Variants in ARL13A observed in about 807,000 individuals in gnomAD.
The protein encoded by ARL13A is ADP-ribosylation factor-like protein 13A.
Under a neutral mutation model 19.1 loss-of-function variants are expected in ARL13A, and 16 were observed. The ratio of observed to expected loss-of-function variants is 0.84; its 90% CI spans 0.57 to 1.27. The LOEUF (loss-of-function observed/expected upper bound fraction) is 1.27. Among genes scored for constraint, ARL13A ranks in the 50% most tolerant of loss-of-function variants. ARL13A has a pLI of 0.00. For missense variants in ARL13A, 153 were observed against 186.4 expected (o/e 0.82, Z 1.04); for synonymous variants, 69 against 71.3 (o/e 0.97, Z 0.17).
rs1160236667 is a variant in ARL13A, at chrX:100,969,820, TA to T, written c.-15+12del. ...AATAACCACCTCATGGTAAGCAAAA[TA>T]TGTCACTATCTTCATTTTACAGATA... On this transcript the variant is annotated intron_variant, in intron 1 of 7. Transcript: ENST00000450049. The T allele has an allele frequency of 8.9e-6, 1 of 112,374 alleles. No homozygotes were observed. The highest frequency in any genetic ancestry group is 3.2e-5 in the African/African-American group (1 of 30,942). The allele number at this position is 112,374 out of a possible 1,213,427, so 9.3% of individuals were successfully genotyped here. A position where few individuals can be genotyped will look rare whatever the true frequency, so the allele number is the denominator to read the frequency against.
At chrX:100,973,420 C>G (rs1467807472) in intron 1 of ARL13A, among the ~76,000 whole-genome samples, 2 of 105,342 alleles carry the variant, frequency 1.9e-5, no homozygotes, top group African/African-American at 6.9e-5. Flanking sequence ...CCGCTGCCTC[C>G]CGGGCGGCGC....
At chrX:100,982,920 C>T (rs2085882248) in intron 3 of ARL13A, among the ~76,000 whole-genome samples, 1 of 110,654 alleles carries the variant, frequency 9.0e-6, no homozygotes, top group Non-Finnish European at 1.9e-5. Flanking sequence ...GAAGAATCAC[C>T]TCAGGATTTT....
At chrX:100,971,479 G>A (rs2085647508) in intron 1 of ARL13A, among the ~76,000 whole-genome samples, 1 of 99,542 alleles carries the variant, frequency 1.0e-5, no homozygotes, top group South Asian at 4.8e-4. Flanking sequence ...TGTCTGTGTA[G>A]TCTGCTATAC....
intron 1 of ARL13A, among the ~76,000 whole-genome samples, chrX:100,971,106 T>C (rs1444716110): frequency 9.4e-6 from 1 of 106,687 alleles, no homozygotes; most frequent in Non-Finnish European, 1.9e-5. Context: ...GCCTAAATTA[T>C]CCTTTTTACT....
chrX:100,988,596 T>C (rs1203660108), intron 7 of ARL13A: 3 of 904,427 alleles, frequency 3.3e-6, no homozygotes, highest in East Asian at 1.2e-4. Flanking sequence ...AAAATTTACA[T>C]AGGCCTTCCC....
intron 1 of ARL13A, among the ~76,000 whole-genome samples, chrX:100,973,290 C>A (rs1214467986): frequency 4.6e-5 from 4 of 86,192 alleles, no homozygotes; most frequent in Admixed American, 3.9e-4. Flanking sequence ...GGCAGAGACA[C>A]TCCTCACTTC....
At chrX:100,973,796 C>A in intron 2 of ARL13A, 48 bp downstream of exon 2, 1 of 1,107,868 alleles carries the variant, frequency 9.0e-7, no homozygotes, top group Non-Finnish European at 1.2e-6. Context: ...TTTCCTCCCA[C>A]AAATCTGCCC....
Position 100,986,851 on chromosome X carries a change from T to C in ARL13A, c.436T>C (p.Tyr146His). ...CCTCATGCCTTGTGATATTATTGAC[T>C]ATCTACTTCTAAAGAAGCTAGTGAA... Reference protein sequence around the residue: ...KALMPCDIIDYLLLKKLVKEN... With the variant: ...KALMPCDIIDHLLLKKLVKEN... The change falls in exon 5 of 8, where the codon TAT (tyrosine) becomes CAT (histidine). Residue 146 changes from tyrosine (Y) to histidine (H), a missense_variant. Coordinates refer to ENST00000450049, the MANE Select transcript of ARL13A (RefSeq NM_001162491.2). The C allele has an allele frequency of 8.3e-7, 1 of 1,206,289 alleles. No homozygotes were observed. The highest frequency in any genetic ancestry group is 2.2e-5 in the Admixed American group (1 of 45,503).
chrX:100,975,516 T>A (rs1177580634), intron 3 of ARL13A, among the ~76,000 whole-genome samples: 1 of 111,821 alleles, frequency 8.9e-6, no homozygotes, highest in Non-Finnish European at 1.9e-5. Flanking sequence ...CCTCTCTGTA[T>A]CTTTAGCCTG....
At chrX:100,990,291 C>T in intron 7 of ARL13A, 1 of 840,741 alleles carries the variant, frequency 1.2e-6, no homozygotes, top group Non-Finnish European at 1.4e-6. Context: ...TGGCACTTGG[C>T]TTCACTTACA....
chrX:100,988,693 T>C (rs1345994825), intron 7 of ARL13A: 1 of 377,175 alleles, frequency 2.7e-6, no homozygotes, highest in African/African-American at 2.8e-5. Context: ...AGCACCTTCC[T>C]GTAGGAAGGG....
intron 3 of ARL13A, 24 bp downstream of exon 3, chrX:100,974,221 A>G (rs1338062733): frequency 9.0e-7 from 1 of 1,112,511 alleles, no homozygotes; most frequent in Non-Finnish European, 1.2e-6. Flanking sequence ...AGCATTAGAT[A>G]CTGGCGTGGG....
intron 6 of ARL13A, 107 bp downstream of exon 6, chrX:100,987,663 G>A (rs2085955874): frequency 1.1e-6 from 1 of 917,198 alleles, no homozygotes; most frequent in African/African-American, 2.0e-5. Context: ...GTGGCATTGA[G>A]CAAGTCTCTT....
At chrX:100,979,537 TC>T (rs1569461870) in intron 3 of ARL13A, among the ~76,000 whole-genome samples, 1 of 112,006 alleles carries the variant, frequency 8.9e-6, no homozygotes, top group Non-Finnish European at 1.9e-5. Context: ...CTGACCTTCC[TC>T]AAAACAACTA....
At chrX:100,978,056 A>C (rs2085796217) in intron 3 of ARL13A, among the ~76,000 whole-genome samples, 1 of 112,044 alleles carries the variant, frequency 8.9e-6, no homozygotes, top group Admixed American at 9.4e-5. Flanking sequence ...TGGTAGTTCT[A>C]TGTTTAGTTT....
chrX:100,989,640 T>A (rs1445376542), intron 7 of ARL13A, among the ~76,000 whole-genome samples: 1 of 111,463 alleles, frequency 9.0e-6, no homozygotes, highest in African/African-American at 3.3e-5. Flanking sequence ...TTTCTTTTTT[T>A]ATAATAAGCA....
chrX:100,972,594 C>T (rs1602433832), intron 1 of ARL13A, among the ~76,000 whole-genome samples: 3 of 54,877 alleles, frequency 5.5e-5, no homozygotes, highest in Non-Finnish European at 1.1e-4. Flanking sequence ...GGGCTCCTCA[C>T]TTCCCAGTAG....
Position 100,986,047 on chromosome X carries a change from AGCG to A in ARL13A, c.380+134_380+136del, listed in dbSNP as rs2085931473. The A allele has an allele frequency of 1.4e-5, 11 of 797,067 alleles. No individual in the cohort carries two copies. The South Asian group carries it at 3.2e-4, about 23-fold the overall frequency. The allele number at this position is 797,067 out of a possible 1,213,427, so 65.7% of individuals were successfully genotyped here. Reference sequence around the variant, plus strand: ...TGTTCCCTTAGGCTCAGTGAGGTAGAGCGGCCCAATTTTCTGAGGTTTGTTCTC... The same window carrying A: ...TGTTCCCTTAGGCTCAGTGAGGTAGAGCCCAATTTTCTGAGGTTTGTTCTC... On this transcript the variant is annotated intron_variant, in intron 4 of 7. Coordinates refer to ENST00000450049, the MANE Select transcript of ARL13A (RefSeq NM_001162491.2).
rs187284274 is a variant in ARL13A at position 100,978,435 on chromosome X, C to T, written c.130+4238C>T. On this transcript the variant is annotated intron_variant, in intron 3 of 7. Transcript: ENST00000450049. ...TGTTATATACACTTGCTGAATTGAT[C>T]CCCTTATCATTATATAATGACATTC... Among the ~76,000 whole-genome samples the T allele has an allele frequency of 4.5e-5, 5 of 111,447 alleles. No individual in the cohort carries two copies. In the East Asian group the frequency reaches 1.4e-3, roughly 31 times the overall value.
Sources: gnomAD v4.1 joint callset for allele counts (sites outside exome capture counted in the v4.1 genomes callset) on GRCh38, gnomAD v4.1.1 for gene constraint, MANE v1.5 for transcripts, NCBI Gene and HGNC (gene_info 2026-07-23, HGNC 2026-07-21) for gene names.